LRMDA: variants seen among roughly 807,000 people sequenced by gnomAD.
LRMDA encodes the protein leucine-rich melanocyte differentiation-associated protein.
In LRMDA, 18 loss-of-function variants were observed where a neutral mutation model predicts 29.8. That is an observed-to-expected ratio of 0.60 (90% CI 0.42 to 0.90). LRMDA has a LOEUF of 0.90. LRMDA is among the 40% of genes least tolerant of loss of function. The pLI, the probability that LRMDA is intolerant of heterozygous loss-of-function variation, is 0.00. For synonymous variants in LRMDA, 125 were observed against 109.4 expected, an observed-to-expected ratio of 1.14 and a Z score of -0.89; for missense variants, 273 against 273.9, an observed-to-expected ratio of 1.00 and a Z score of 0.02.
At chr10:75,977,368 T>C (rs1321510855) in intron 2 of LRMDA, among the ~76,000 whole-genome samples, 1 of 152,194 alleles carries the variant, frequency 6.6e-6, no homozygotes, top group Non-Finnish European at 1.5e-5. Context: ...GGTTTTTGAC[T>C]GAACATGTGC....
intron 6 of LRMDA, among the ~76,000 whole-genome samples, chr10:76,412,774 A>C (rs1326655797): frequency 6.6e-6 from 1 of 152,204 alleles, no homozygotes; most frequent in African/African-American, 2.4e-5. Context: ...TCTCAGCCTG[A>C]AAACACCATT....
In LRMDA at chr10:76,035,121, G is replaced by A. The variant is rs545887981; in HGVS notation, c.132-887G>A. Among the ~76,000 whole-genome samples the A allele has an allele frequency of 3.3e-5, 5 of 149,524 alleles. No individual in the cohort carries two copies. The East Asian group carries it at 5.8e-4, about 17-fold the overall frequency. On this transcript the variant is annotated intron_variant, in intron 2 of 6. Coordinates refer to ENST00000611255, the MANE Select transcript of LRMDA (RefSeq NM_001305581.2). The stretch of plus-strand genomic sequence containing the variant: ...GTTTTTTTTTTTTTTTCCTGGAGCC[G>A]GGTACTTAATTCTTTCTGTTGCCTT...
intron 2 of LRMDA, among the ~76,000 whole-genome samples, chr10:75,480,447 C>T (rs1336185020): frequency 4.6e-5 from 7 of 151,098 alleles, no homozygotes; most frequent in African/African-American, 7.3e-5. Flanking sequence ...AAAAAGCAGG[C>T]GGCATGTCTG....
intron 2 of LRMDA, among the ~76,000 whole-genome samples, chr10:75,906,197 A>G (rs908892381): frequency 6.6e-6 from 1 of 152,178 alleles, no homozygotes; most frequent in Non-Finnish European, 1.5e-5. Context: ...CTCATACTTC[A>G]TGTGATCATT....
At chr10:76,250,458 A>G (rs1284182921) in intron 5 of LRMDA, among the ~76,000 whole-genome samples, 1 of 152,244 alleles carries the variant, frequency 6.6e-6, no homozygotes, top group Non-Finnish European at 1.5e-5. Context: ...ATAAAATATT[A>G]TGATACATTT....
intron 2 of LRMDA, among the ~76,000 whole-genome samples, chr10:75,958,631 T>C (rs1219488887): frequency 1.3e-5 from 2 of 152,198 alleles, no homozygotes; most frequent in Non-Finnish European, 2.9e-5. Flanking sequence ...TTTTGGATAA[T>C]TGATGTTTTA....
chr10:76,249,368 A>G (rs969142001), intron 5 of LRMDA, among the ~76,000 whole-genome samples: 1 of 152,164 alleles, frequency 6.6e-6, no homozygotes, highest in Non-Finnish European at 1.5e-5. Flanking sequence ...TTTTAGTCCT[A>G]TTAAATTAAA....
chr10:76,457,818 CA>C (rs1842472802), intron 6 of LRMDA, among the ~76,000 whole-genome samples: 1 of 152,126 alleles, frequency 6.6e-6, no homozygotes, highest in South Asian at 2.1e-4. Context: ...TCCTTAGGAG[CA>C]ATCGTTCAGT....
In LRMDA at chr10:76,357,150, T is replaced by G. The variant is rs1000766040; in HGVS notation, c.601+32665T>G. The stretch of plus-strand genomic sequence containing the variant: ...CCCTGCTCCTCTGTGAAGCCATTGC[T>G]GAGGTGGGGGTGCGATCAGGAGAGT... On this transcript the variant is annotated intron_variant, in intron 6 of 6. Coordinates refer to ENST00000611255, the MANE Select transcript of LRMDA (RefSeq NM_001305581.2). Among the ~76,000 whole-genome samples the G allele has an allele frequency of 3.3e-5, 5 of 152,296 alleles. 1 individual carries two copies. The highest frequency in any genetic ancestry group is 6.8e-3 in the Middle Eastern group (2 of 294).
intron 6 of LRMDA, among the ~76,000 whole-genome samples, chr10:76,393,096 G>A (rs552072839): frequency 5.0e-4 from 76 of 152,184 alleles, no homozygotes; most frequent in Non-Finnish European, 8.8e-4. Flanking sequence ...TGATGGAACC[G>A]TAGACTGATT....
chr10:76,164,921 C>T (rs1850712489), intron 5 of LRMDA, among the ~76,000 whole-genome samples: 1 of 152,154 alleles, frequency 6.6e-6, no homozygotes, highest in African/African-American at 2.4e-5. Context: ...AGTCCTTTCT[C>T]ATGTGAGACT....
chr10:75,669,736 C>A (rs114994481), intron 2 of LRMDA, among the ~76,000 whole-genome samples: 2 of 152,120 alleles, frequency 1.3e-5, no homozygotes, highest in Non-Finnish European at 2.9e-5. Context: ...TTTGGTGTTA[C>A]GCCTCAGTAC....
chr10:76,097,700 T>C (rs1266329964), intron 5 of LRMDA, among the ~76,000 whole-genome samples: 1 of 152,240 alleles, frequency 6.6e-6, no homozygotes, highest in Non-Finnish European at 1.5e-5. Flanking sequence ...CTTTAGTCTG[T>C]GTATATGGTG....
chr10:76,557,373 C>G lies in LRMDA; in HGVS notation c.*85C>G. 3.6e-6 allele frequency: 4 copies of G among 1,098,466 alleles called. No homozygotes were observed. In the South Asian group the frequency reaches 4.0e-5, roughly 11 times the overall value. 68.0% of individuals were successfully genotyped at this position (1,098,466 alleles called of 1,614,324 possible). A position where few individuals can be genotyped will look rare whatever the true frequency, so the allele number is the denominator to read the frequency against. ...AATAAAGAAAACGCTAAAGAAAAAACAATAGCCCACATTGCCTCTCTTTGG... is the reference window on the plus strand; with the variant it reads ...AATAAAGAAAACGCTAAAGAAAAAAGAATAGCCCACATTGCCTCTCTTTGG... On this transcript the variant is annotated 3_prime_UTR_variant, in exon 7 of 7. Coordinates refer to ENST00000611255, the MANE Select transcript of LRMDA (RefSeq NM_001305581.2).
chr10:76,252,382 G>C lies in LRMDA; in HGVS notation c.517-72019G>C, dbSNP rs73286982. Among the ~76,000 whole-genome samples the C allele has an allele frequency of 7.3e-3, 1,104 of 152,246 alleles. 14 individuals are homozygous for C. The highest frequency in any genetic ancestry group is 0.024 in the African/African-American group (1,011 of 41,544). On this transcript the variant is annotated intron_variant, in intron 5 of 6. Coordinates refer to ENST00000611255, the MANE Select transcript of LRMDA (RefSeq NM_001305581.2). ...AGAGCCAGTTGTGATGTGATTGTTT[G>C]ACATAATATTGTCAAGGAAAAAAAA...
At chr10:76,396,726 A>G (rs1276351045) in intron 6 of LRMDA, 2 of 152,248 alleles carry the variant, frequency 1.3e-5, no homozygotes, top group Non-Finnish European at 2.9e-5. Flanking sequence ...AGGGCAGACA[A>G]GAAGGAAGGT....
chr10:75,676,912 C>T (rs1358177084), intron 2 of LRMDA, among the ~76,000 whole-genome samples: 3 of 152,124 alleles, frequency 2.0e-5, no homozygotes, highest in Non-Finnish European at 4.4e-5. Context: ...TCCACAAAGC[C>T]CAAGCCATGA....
intron 6 of LRMDA, among the ~76,000 whole-genome samples, chr10:76,477,765 G>A (rs1294591744): frequency 6.6e-6 from 1 of 152,098 alleles, no homozygotes; most frequent in Admixed American, 6.6e-5. Flanking sequence ...ACAACTCTCT[G>A]ATCTTTGACA....
rs576139038 is a variant in LRMDA at position 76,148,350 on chromosome 10, G to A, written c.516+89567G>A. On this transcript the variant is annotated intron_variant, in intron 5 of 6. Coordinates refer to ENST00000611255, the MANE Select transcript of LRMDA (RefSeq NM_001305581.2). ...GAGCTCCACCCAGTTCTAGCTTCCC[G>A]GCTGCTTTGTTTACCTAATCAAACA... 1.1e-3 allele frequency among the ~76,000 whole-genome samples: 161 copies of A among 152,270 alleles called. 4 individuals carry two copies. The South Asian group carries it at 0.031, about 29-fold the overall frequency.
Sources: gnomAD v4.1 joint callset for allele counts (sites outside exome capture counted in the v4.1 genomes callset) on GRCh38, gnomAD v4.1.1 for gene constraint, MANE v1.5 for transcripts, NCBI Gene and HGNC (gene_info 2026-07-23, HGNC 2026-07-21) for gene names.